The following PEX14 variants were observed in gnomAD, a reference collection of about 807,000 sequenced individuals.
PEX14 encodes the protein peroxisomal biogenesis factor 14, also known as peroxisomal membrane protein PEX14.
Under a neutral mutation model 49.5 loss-of-function variants are expected in PEX14, and 15 were observed. The observed-to-expected ratio is 0.30, with a 90% CI of 0.20 to 0.47. The LOEUF (loss-of-function observed/expected upper bound fraction) is 0.47, where lower values mean the gene tolerates loss of function less well. PEX14 is among the 20% of genes least tolerant of loss of function. The probability of loss-of-function intolerance (pLI) is 1.00; values close to 1 mark genes in which losing one functional copy is unlikely to be tolerated. For synonymous variants in PEX14, 210 were observed against 212.7 expected, an observed-to-expected ratio of 0.99 and a Z score of 0.11; for missense variants, 398 against 494.8, an observed-to-expected ratio of 0.80 and a Z score of 1.86.
At chr1:10,606,107 A>T (rs1641118365) in intron 4 of PEX14, among the ~76,000 whole-genome samples, 1 of 152,232 alleles carries the variant, frequency 6.6e-6, no homozygotes. Context: ...CAGGTGACAG[A>T]GAACTCCAAA....
intron 1 of PEX14, among the ~76,000 whole-genome samples, chr1:10,475,440 G>A (rs1641179122): frequency 6.6e-6 from 1 of 152,176 alleles, no homozygotes. Context: ...CTCCTGGAGC[G>A]GCTGCCAGCC....
In PEX14 at chr1:10,630,118, C is replaced by T. The variant is rs1431641813; in HGVS notation, c.*131C>T. On this transcript the variant is annotated 3_prime_UTR_variant, in exon 9 of 9. Coordinates refer to ENST00000356607, the MANE Select transcript of PEX14 (RefSeq NM_004565.3). The surrounding 1 kb of genome is among the most constrained non-coding windows in gnomAD (Gnocchi z 4.1). ...TAGGGGGCAGAGCTGTCCTCAGCTG[C>T]ACTGCGGCCTGGTGGCAGTGTGGGG... The T allele has an allele frequency of 6.4e-6, 9 of 1,403,382 alleles. No homozygotes were observed. The African/African-American group carries it at 1.3e-4, about 20-fold the overall frequency. The allele number at this position is 1,403,382 out of a possible 1,614,324, so 86.9% of individuals were successfully genotyped here. A position where few individuals can be genotyped will look rare whatever the true frequency, so the allele number is the denominator to read the frequency against.
chr1:10,602,674 AG>A (rs1181849073), intron 4 of PEX14, among the ~76,000 whole-genome samples: 1 of 152,210 alleles, frequency 6.6e-6, no homozygotes, highest in Non-Finnish European at 1.5e-5. Flanking sequence ...TCCTGGAGTG[AG>A]GGAAAAATCT....
intron 3 of PEX14, among the ~76,000 whole-genome samples, chr1:10,573,860 G>A (rs1570288936): frequency 1.3e-5 from 2 of 152,326 alleles, no homozygotes; most frequent in South Asian, 4.1e-4. Flanking sequence ...CAGCACTTTG[G>A]GAGGCTGAGG....
intron 3 of PEX14, among the ~76,000 whole-genome samples, chr1:10,564,138 G>A (rs1424139943): frequency 2.0e-5 from 3 of 151,094 alleles, no homozygotes; most frequent in African/African-American, 7.3e-5. Context: ...TTGAATATTC[G>A]GCCTGATTGC....
chr1:10,591,871 G>A (rs890276900), intron 3 of PEX14, among the ~76,000 whole-genome samples: 7 of 152,162 alleles, frequency 4.6e-5, no homozygotes, highest in Admixed American at 3.3e-4. Flanking sequence ...AGAGAGCCCC[G>A]TGTGGGAATC....
chr1:10,490,352 G>T (rs1385042387), intron 1 of PEX14, among the ~76,000 whole-genome samples: 1 of 152,184 alleles, frequency 6.6e-6, no homozygotes, highest in Middle Eastern at 3.2e-3. Flanking sequence ...GCAGATGCAG[G>T]ATGGGTTCTC....
chr1:10,557,963 C>T (rs1043387435), intron 3 of PEX14, among the ~76,000 whole-genome samples: 6 of 151,830 alleles, frequency 4.0e-5, no homozygotes, highest in African/African-American at 1.5e-4. Flanking sequence ...ATTTATAGAA[C>T]GATTTATTTC....
At chr1:10,584,197 C>G (rs1257923772) in intron 3 of PEX14, among the ~76,000 whole-genome samples, 1 of 152,176 alleles carries the variant, frequency 6.6e-6, no homozygotes. Flanking sequence ...AAGGATGACT[C>G]CAAGGTTTTT....
intron 4 of PEX14, among the ~76,000 whole-genome samples, chr1:10,600,911 A>T (rs1570332417): frequency 6.6e-6 from 1 of 151,834 alleles, no homozygotes; most frequent in Non-Finnish European, 1.5e-5. Flanking sequence ...AGGCGGGTGG[A>T]TCATGAGGTC....
At chr1:10,499,665 T>G (rs1641634997) in intron 2 of PEX14, among the ~76,000 whole-genome samples, 1 of 152,086 alleles carries the variant, frequency 6.6e-6, no homozygotes, top group South Asian at 2.1e-4. Context: ...GCCAGGATGG[T>G]CTGGATCTCC....
In PEX14 at chr1:10,624,325, G is replaced by T; in HGVS notation, c.488-15G>T. ...CTGTGAATTTGCCAGCGCCGTGACT[G>T]CTTTCTCCTCGCAGTGACTCAGTTA... On this transcript the variant is annotated splice_polypyrimidine_tract_variant and intron_variant, in intron 6 of 8. Transcript: ENST00000356607. 6.3e-7 allele frequency: 1 copy of T among 1,577,472 alleles called. No individual in the cohort carries two copies. The highest frequency in any genetic ancestry group is 8.7e-7 in the Non-Finnish European group (1 of 1,147,132).
chr1:10,485,171 G>A (rs1268538649), intron 1 of PEX14, among the ~76,000 whole-genome samples: 1 of 151,554 alleles, frequency 6.6e-6, no homozygotes, highest in East Asian at 1.9e-4. Context: ...ATTTTTCTGG[G>A]GAAATAACCT....
At chr1:10,617,709 A>T (rs1489620251) in intron 4 of PEX14, among the ~76,000 whole-genome samples, 1 of 109,912 alleles carries the variant, frequency 9.1e-6, no homozygotes, top group Non-Finnish European at 1.9e-5. Context: ...CTCCCCTGCC[A>T]CCCCCATCCC....
At chr1:10,540,277 T>G (rs921323443) in intron 3 of PEX14, among the ~76,000 whole-genome samples, 4 of 152,088 alleles carry the variant, frequency 2.6e-5, no homozygotes, top group African/African-American at 7.2e-5. Context: ...CAAGGGGGAG[T>G]AAATTCTTAC....
intron 3 of PEX14, among the ~76,000 whole-genome samples, chr1:10,553,180 A>G (rs1056149898): frequency 1.3e-5 from 2 of 152,114 alleles, no homozygotes; most frequent in Non-Finnish European, 2.9e-5. Context: ...TATTACGGGG[A>G]TGGAGAGGAT....
intron 2 of PEX14, among the ~76,000 whole-genome samples, chr1:10,533,593 A>G (rs575687669): frequency 6.6e-6 from 1 of 152,308 alleles, no homozygotes; most frequent in African/African-American, 2.4e-5. Context: ...ATGAATTACT[A>G]ATGACAGAGC....
intron 3 of PEX14, among the ~76,000 whole-genome samples, chr1:10,572,608 C>T (rs1640008805): frequency 6.6e-6 from 1 of 152,130 alleles, no homozygotes; most frequent in Non-Finnish European, 1.5e-5. Flanking sequence ...AATCTCAGCT[C>T]ACTGCAAGCT....
chr1:10,570,977 T>A (rs938361267), intron 3 of PEX14, among the ~76,000 whole-genome samples: 9 of 149,000 alleles, frequency 6.0e-5, no homozygotes, highest in African/African-American at 1.7e-4. Flanking sequence ...GCCTCCCAAA[T>A]AGTTGGAAGT....
Sources: gnomAD v4.1 joint callset for allele counts (sites outside exome capture counted in the v4.1 genomes callset) on GRCh38, gnomAD v4.1.1 for gene constraint, Gnocchi (gnomAD v3.1) non-coding constraint, MANE v1.5 for transcripts, NCBI Gene and HGNC (gene_info 2026-07-23, HGNC 2026-07-21) for gene names.